Variants in SRGAP3 observed in about 807,000 individuals in gnomAD.
SRGAP3 encodes SLIT-ROBO Rho GTPase activating protein 3.
Under a neutral mutation model 121.1 loss-of-function variants are expected in SRGAP3, and 39 were observed. That is an observed-to-expected ratio of 0.32 (90% CI 0.25 to 0.42). The LOEUF is 0.42. Among genes scored for constraint, SRGAP3 ranks in the 10% least tolerant of loss-of-function variants. SRGAP3 has a pLI of 1.00. For missense variants in SRGAP3, 1,213 were observed against 1,470.6 expected (o/e 0.82, Z 2.86); for synonymous variants, 601 against 570.0 (o/e 1.05, Z -0.77).
chr3:9,021,311 C>T (rs529556137), intron 14 of SRGAP3, among the ~76,000 whole-genome samples: 16 of 152,330 alleles, frequency 1.1e-4, no homozygotes, highest in African/African-American at 3.8e-4. Context: ...TCAGCACTCC[C>T]ATCTGTGCAT....
chr3:9,171,029 C>T (rs1950958590), intron 1 of SRGAP3, among the ~76,000 whole-genome samples: 1 of 152,226 alleles, frequency 6.6e-6, no homozygotes, highest in East Asian at 1.9e-4. Context: ...CAGTCAGCTT[C>T]CGCCAGCTGT....
intron 1 of SRGAP3, among the ~76,000 whole-genome samples, chr3:9,128,893 C>G (rs1408826529): frequency 6.6e-6 from 1 of 152,098 alleles, no homozygotes; most frequent in East Asian, 1.9e-4. Context: ...AAAGTGGTCA[C>G]GTTTGACGGG....
At chr3:9,322,544 C>T (rs925840639) in intron 3 of SRGAP3, among the ~76,000 whole-genome samples, 1 of 151,818 alleles carries the variant, frequency 6.6e-6, no homozygotes, top group African/African-American at 2.4e-5. Flanking sequence ...ACCTGAGCTC[C>T]ACCTCCTGTT....
intron 2 of SRGAP3, among the ~76,000 whole-genome samples, chr3:9,113,002 GC>G (rs1289401105): frequency 1.3e-5 from 2 of 152,224 alleles, no homozygotes; most frequent in Non-Finnish European, 2.9e-5. Flanking sequence ...CCAGAAATAA[GC>G]ATGAAGCCCT....
At chr3:9,354,959 C>A (rs1007372241) in intron 1 of SRGAP3, among the ~76,000 whole-genome samples, 4 of 152,132 alleles carry the variant, frequency 2.6e-5, no homozygotes, top group African/African-American at 9.7e-5. Flanking sequence ...CAATATTTTC[C>A]AAGGAGGTCA....
chr3:9,335,712 C>T (rs1051050196), intron 1 of SRGAP3, among the ~76,000 whole-genome samples: 7 of 152,182 alleles, frequency 4.6e-5, no homozygotes, highest in African/African-American at 7.2e-5. Flanking sequence ...ACTCAGGTAT[C>T]GGGAAGACTT....
At chr3:9,241,608 T>C (rs1018888537) in intron 1 of SRGAP3, among the ~76,000 whole-genome samples, 3 of 152,176 alleles carry the variant, frequency 2.0e-5, no homozygotes, top group African/African-American at 7.2e-5. Context: ...TTCAATAGAA[T>C]AGGAAGCGTG....
intron 1 of SRGAP3, among the ~76,000 whole-genome samples, chr3:9,170,510 G>A (rs964327182): frequency 1.3e-5 from 2 of 152,164 alleles, no homozygotes; most frequent in African/African-American, 4.8e-5. Flanking sequence ...CTGAGCAGAG[G>A]TGGGCTGCTT....
rs115141300 is a variant in SRGAP3, at chr3:9,171,252, T to A, written c.68-46335A>T. ...CTTGGGCCCCAGGCAGAGGCCAAGC[T>A]GCCCTCGAAACATCCAATCTGCTCC... On this transcript the variant is annotated intron_variant, in intron 1 of 21. Coordinates refer to ENST00000383836, the MANE Select transcript of SRGAP3 (RefSeq NM_014850.4). Among the ~76,000 whole-genome samples the A allele has an allele frequency of 9.0e-3, 1,365 of 152,356 alleles. 9 individuals carry two copies. The highest frequency in any genetic ancestry group is 0.03 in the South Asian group (143 of 4,826).
intron 5 of SRGAP3, among the ~76,000 whole-genome samples, chr3:9,062,454 C>G (rs1390063691): frequency 6.6e-6 from 1 of 152,056 alleles, no homozygotes; most frequent in African/African-American, 2.4e-5. Context: ...AGTCACACAA[C>G]CATCATCATT....
intron 1 of SRGAP3, chr3:9,125,118 T>C: frequency 3.1e-6 from 2 of 648,808 alleles, no homozygotes; most frequent in Non-Finnish European, 5.3e-6. Context: ...TTTTTGCCAT[T>C]GATCTAACCA....
intron 3 of SRGAP3, among the ~76,000 whole-genome samples, chr3:9,300,931 G>T (rs1955044181): frequency 1.3e-5 from 2 of 152,122 alleles, no homozygotes; most frequent in African/African-American, 4.8e-5. Flanking sequence ...CTGGGGAGGG[G>T]AAGAAAGAGA....
chr3:9,224,231 C>G (rs1280166240), intron 1 of SRGAP3, among the ~76,000 whole-genome samples: 1 of 152,228 alleles, frequency 6.6e-6, no homozygotes, highest in Non-Finnish European at 1.5e-5. Context: ...GTTTCTGACT[C>G]AGACCTCTGG....
intron 1 of SRGAP3, among the ~76,000 whole-genome samples, chr3:9,226,446 C>T (rs538129415): frequency 1.2e-4 from 18 of 152,292 alleles, no homozygotes; most frequent in Non-Finnish European, 2.4e-4. Flanking sequence ...GCACCTCCTA[C>T]GCCTGGGAGA....
chr3:9,065,182 A>T (rs1288621401), intron 4 of SRGAP3: 1 of 152,250 alleles, frequency 6.6e-6, no homozygotes, highest in Non-Finnish European at 1.5e-5. Context: ...CCCAATAGAT[A>T]TTCTATGCTC....
intron 2 of SRGAP3, among the ~76,000 whole-genome samples, chr3:9,123,925 G>C (rs1429636370): frequency 6.6e-6 from 1 of 151,968 alleles, no homozygotes; most frequent in Non-Finnish European, 1.5e-5. Context: ...AAGGAGAAGG[G>C]AGAGTCCAGG....
chr3:9,042,095 G>A (rs2670006), intron 10 of SRGAP3, among the ~76,000 whole-genome samples: 1 of 142,906 alleles, frequency 7.0e-6, no homozygotes. Context: ...AGAGCTAGAC[G>A]CCATCTCAAA....
chr3:9,261,400 T>C (rs1450287188), intron 3 of SRGAP3, among the ~76,000 whole-genome samples: 1 of 151,998 alleles, frequency 6.6e-6, no homozygotes, highest in African/African-American at 2.4e-5. Flanking sequence ...AACAAACTCC[T>C]CTGAGCTAAA....
At chr3:9,174,118 C>T (rs924410594) in intron 1 of SRGAP3, among the ~76,000 whole-genome samples, 12 of 152,176 alleles carry the variant, frequency 7.9e-5, no homozygotes, top group African/African-American at 2.9e-4. Flanking sequence ...CACAAAAGGA[C>T]AAATCGTGTA....
Sources: gnomAD v4.1 joint callset for allele counts (sites outside exome capture counted in the v4.1 genomes callset) on GRCh38, gnomAD v4.1.1 for gene constraint, MANE v1.5 for transcripts, NCBI Gene and HGNC (gene_info 2026-07-23, HGNC 2026-07-21) for gene names.